Variants in EMX1 observed in about 807,000 individuals in gnomAD.
EMX1 encodes homeobox protein EMX1.
A neutral mutation model predicts 20.1 loss-of-function variants in EMX1; 10 were observed. That is an observed-to-expected ratio of 0.50 (90% CI 0.31 to 0.84). The LOEUF is 0.84. EMX1 is among the 40% of genes least tolerant of loss of function. The probability of loss-of-function intolerance (pLI) is 0.05; values close to 1 mark genes in which losing one functional copy is unlikely to be tolerated. For missense variants in EMX1, 424 were observed against 431.9 expected, an observed-to-expected ratio of 0.98 and a Z score of 0.16; for synonymous variants, 250 against 200.4, an observed-to-expected ratio of 1.25 and a Z score of -2.09.
Position 72,933,899 on chromosome 2 carries a change from G to A in EMX1, c.818G>A (p.Arg273His), listed in dbSNP as rs754890777. 18 of 1,614,254 alleles carry A rather than the reference G, an allele frequency of 1.1e-5. No homozygotes were observed. The highest frequency in any genetic ancestry group is 1.4e-5 in the Non-Finnish European group (17 of 1,180,044). ...KKGSHHINRW[R>H]IATKQANGED... Reference sequence around the variant, plus strand: ...GGCTCCCATCACATCAACCGGTGGCGCATTGCCACGAAGCAGGCCAATGGG... The same window carrying A: ...GGCTCCCATCACATCAACCGGTGGCACATTGCCACGAAGCAGGCCAATGGG... Residue 273 changes from arginine to histidine, a missense_variant, in exon 3 of 3, where the codon CGC becomes CAC. Around this residue, in one of 2 missense-constraint regions of EMX1, gnomAD observed 91 missense variants for 135.2 expected, o/e 0.67. Transcript: ENST00000258106.
chr2:72,923,092 G>A (rs1172901909), intron 1 of EMX1, among the ~76,000 whole-genome samples: 1 of 152,168 alleles, frequency 6.6e-6, no homozygotes, highest in African/African-American at 2.4e-5. Flanking sequence ...CTAGTGGGGT[G>A]TTCATTGAGA....
chr2:72,924,347 C>T lies in EMX1; in HGVS notation c.559C>T (p.Pro187Ser). The T allele has an allele frequency of 2.5e-6, 4 of 1,583,162 alleles. No homozygotes were observed. Among genetic ancestry groups the T allele is most frequent in the South Asian group, 1.1e-5 (1 of 87,382 alleles). ...VPQDGLLLHG[P>S]FARKPKRIRT... ...CCAGGACGGGCTGCTTCTGCACGGC[C>T]CCTTCGCACGCAAGCCCAAGCGGAT... The change falls in exon 2 of 3, where the codon CCC becomes TCC. Residue 187 changes from proline to serine, a missense_variant. Transcript: ENST00000258106.
In EMX1 at chr2:72,917,868, T is replaced by G; in HGVS notation, c.16T>G (p.Cys6Gly). 1 of 1,473,834 alleles carries G rather than the reference T, an allele frequency of 6.8e-7. No individual in the cohort carries two copies. The highest frequency in any genetic ancestry group is 8.9e-7 in the Non-Finnish European group (1 of 1,119,826). 91.3% of individuals were successfully genotyped at this position (1,473,834 alleles called of 1,614,324 possible). A position where few individuals can be genotyped will look rare whatever the true frequency, so the allele number is the denominator to read the frequency against. Residue 6 changes from cysteine (C) to glycine (G), a missense_variant, in exon 1 of 3, where the codon TGC (cysteine) becomes GGC (glycine). This residue lies in a region of EMX1 where 333 missense variants were observed against 296.6 expected (regional missense o/e 1.12). Transcript: ENST00000258106. ...GCGGGTGTGCATGTGCCTGGCTGGG[T>G]GCACACCCCGCAAGGCGGCGGCGCC... MCLAG[C>G]TPRKAAAPGR...
At position 72,924,117 on chromosome 2, in the gene EMX1, G is replaced by A; in HGVS notation, c.521-192G>A. On this transcript the variant is annotated intron_variant, in intron 1 of 2. Transcript: ENST00000258106. ...CTCTCGAGTGCGGGGAGGTGTTGCG[G>A]AGGGGAGTGGACTTAGGGAAGGGGC... 3 of 674,766 alleles carry A rather than the reference G, an allele frequency of 4.4e-6. No homozygotes were observed. In the South Asian group the frequency reaches 5.2e-5, roughly 12 times the overall value. 41.8% of individuals were successfully genotyped at this position (674,766 alleles called of 1,614,324 possible). A position where few individuals can be genotyped will look rare whatever the true frequency, so the allele number is the denominator to read the frequency against.
Position 72,930,889 on chromosome 2 carries a change from T to C in EMX1, c.706-2898T>C, listed in dbSNP as rs974386717. Among the ~76,000 whole-genome samples, 4 of 152,236 alleles carry C rather than the reference T, an allele frequency of 2.6e-5. No homozygotes were observed. The highest frequency in any genetic ancestry group is 4.4e-5 in the Non-Finnish European group (3 of 68,044). On this transcript the variant is annotated intron_variant, in intron 2 of 2. Coordinates refer to ENST00000258106, the MANE Select transcript of EMX1 (RefSeq NM_004097.3). This position sits in a 1 kb window ranked among gnomAD's most constrained non-coding sequence, Gnocchi z 4.4. Reference sequence around the variant, plus strand: ...GAAGAAAGAAACATCACCCACACTTTAGGTATATTTCCTTCTAGTCTTTTT... The same window carrying C: ...GAAGAAAGAAACATCACCCACACTTCAGGTATATTTCCTTCTAGTCTTTTT...
At chr2:72,918,740 C>T (rs1671044771) in intron 1 of EMX1, among the ~76,000 whole-genome samples, 1 of 152,274 alleles carries the variant, frequency 6.6e-6, no homozygotes, top group Admixed American at 6.5e-5. Context: ...CTCCGCCCGG[C>T]TTAACCTCGC....
chr2:72,916,658 C>T (rs939228751), upstream of EMX1: 1 of 712,856 alleles, frequency 1.4e-6, no homozygotes, highest in Non-Finnish European at 2.6e-6. Flanking sequence ...TTCTGCGTGT[C>T]CTGACGGCTG....
chr2:72,925,517 G>A lies in EMX1; in HGVS notation c.705+1024G>A, dbSNP rs150616544. On this transcript the variant is annotated intron_variant, in intron 2 of 2. Coordinates refer to ENST00000258106, the MANE Select transcript of EMX1 (RefSeq NM_004097.3). The stretch of plus-strand genomic sequence containing the variant: ...AGGTGGATTTCAGTCTCTGCGTGCC[G>A]GCCGGCTCCCAGAGTTGCGAGAGGC... 705 of 1,288,700 alleles carry A rather than the reference G, an allele frequency of 5.5e-4. 5 individuals are homozygous for A. In the African/African-American group the frequency reaches 8.3e-3, roughly 15 times the overall value. The allele number at this position is 1,288,700 out of a possible 1,614,324, so 79.8% of individuals were successfully genotyped here. A position where few individuals can be genotyped will look rare whatever the true frequency, so the allele number is the denominator to read the frequency against.
Position 72,924,439 on chromosome 2 carries a change from G to A in EMX1, c.651G>A (p.Val217=), listed in dbSNP as rs766509735. The change falls in exon 2 of 3, where the codon GTG becomes GTA. Residue 217 remains valine, a synonymous_variant. Coordinates refer to ENST00000258106, the MANE Select transcript of EMX1 (RefSeq NM_004097.3). ...GCGCCTTCGAGAAGAACCACTACGTGGTGGGCGCCGAGCGGAAGCAGCTGG... is the reference window on the plus strand; with the variant it reads ...GCGCCTTCGAGAAGAACCACTACGTAGTGGGCGCCGAGCGGAAGCAGCTGG... ...LERAFEKNHY[V]VGAERKQLAG... is the part of the protein sequence containing the mutation. 1 of 1,597,562 alleles carries A rather than the reference G, an allele frequency of 6.3e-7. No homozygotes were observed. Among genetic ancestry groups the A allele is most frequent in the Non-Finnish European group, 8.5e-7 (1 of 1,176,538 alleles).
chr2:72,925,333 G>C, intron 2 of EMX1: 1 of 1,121,398 alleles, frequency 8.9e-7, no homozygotes, highest in Non-Finnish European at 1.1e-6. Context: ...AAAAATTAAA[G>C]AATTAGATGA....
chr2:72,929,739 G>C (rs539374214), intron 2 of EMX1, among the ~76,000 whole-genome samples: 69 of 152,348 alleles, frequency 4.5e-4, no homozygotes, highest in Non-Finnish European at 8.4e-4. Context: ...AGTCTGATTA[G>C]TTCTGAAATA....
chr2:72,922,922 C>G (rs1485618315), intron 1 of EMX1, among the ~76,000 whole-genome samples: 2 of 152,196 alleles, frequency 1.3e-5, no homozygotes, highest in Non-Finnish European at 2.9e-5. Context: ...TCAGTCAATC[C>G]CAACAGCTAA....
chr2:72,917,994 T>C lies in EMX1; in HGVS notation c.142T>C (p.Leu48=). 6.8e-7 allele frequency: 1 copy of C among 1,468,136 alleles called. No individual in the cohort carries two copies. The highest frequency in any genetic ancestry group is 1.3e-5 in the South Asian group (1 of 76,800). 90.9% of individuals were successfully genotyped at this position (1,468,136 alleles called of 1,614,324 possible). A position where few individuals can be genotyped will look rare whatever the true frequency, so the allele number is the denominator to read the frequency against. ...CAAGCGCGGCTTTACCATAGAGTCC[T>C]TGGTGGCCAAGGACGGCGGCACCGG... The part of the protein sequence containing the change: ...AAKRGFTIES[L]VAKDGGTGGG... Residue 48 remains leucine (L), a synonymous_variant, in exon 1 of 3, where the codon TTG becomes CTG. Coordinates refer to ENST00000258106, the MANE Select transcript of EMX1 (RefSeq NM_004097.3).
chr2:72,933,650 C>T (rs1671318937), intron 2 of EMX1, 137 bp from the exon 3 acceptor site: 1 of 1,124,514 alleles, frequency 8.9e-7, no homozygotes, highest in Non-Finnish European at 1.2e-6. Context: ...CAGAGGGGAC[C>T]CCGGCCTGGG....
In EMX1 at chr2:72,933,862, CAGA is replaced by C. The variant is rs764043806; in HGVS notation, c.790_792del (p.Lys264del). The C allele has an allele frequency of 2.6e-5, 42 of 1,614,108 alleles. No individual in the cohort carries two copies. Among genetic ancestry groups the C allele is most frequent in the African/African-American group, 4.0e-5 (3 of 74,954 alleles). Reference sequence around the variant, plus strand: ...GGAGGAGGAAGGGCCTGAGTCCGAGCAGAAGAAGAAGGGCTCCCATCACATCAA... The same window carrying C: ...GGAGGAGGAAGGGCCTGAGTCCGAGCAGAAGAAGGGCTCCCATCACATCAA... On this transcript the variant is annotated inframe_deletion, in exon 3 of 3. Coordinates refer to ENST00000258106, the MANE Select transcript of EMX1 (RefSeq NM_004097.3).
chr2:72,920,379 G>C (rs926928940), intron 1 of EMX1, among the ~76,000 whole-genome samples: 21 of 152,250 alleles, frequency 1.4e-4, no homozygotes, highest in African/African-American at 4.6e-4. Flanking sequence ...ATGGAGCCAA[G>C]TGTGGCTGCA....
chr2:72,931,785 C>T (rs1047492253), intron 2 of EMX1, among the ~76,000 whole-genome samples: 1 of 152,254 alleles, frequency 6.6e-6, no homozygotes, highest in African/African-American at 2.4e-5. Flanking sequence ...GCCAGCTTTC[C>T]AGCCCCTGGC....
rs1671327207 is a variant in EMX1 at position 72,934,054 on chromosome 2, T to C, written c.*100T>C. 6 of 1,504,068 alleles carry C rather than the reference T, an allele frequency of 4.0e-6. No homozygotes were observed. Among genetic ancestry groups the C allele is most frequent in the Non-Finnish European group, 5.4e-6 (6 of 1,113,900 alleles). The allele number at this position is 1,504,068 out of a possible 1,614,324, so 93.2% of individuals were successfully genotyped here. Reference sequence around the variant, plus strand: ...ACTCTGGCCACTCCCTGGCCAGGCTTTGGGGAGGCCTGGAGTCATGGCCCC... The same window carrying C: ...ACTCTGGCCACTCCCTGGCCAGGCTCTGGGGAGGCCTGGAGTCATGGCCCC... On this transcript the variant is annotated 3_prime_UTR_variant, in exon 3 of 3. Transcript: ENST00000258106.
At chr2:72,929,318 C>T (rs191699646) in intron 2 of EMX1, among the ~76,000 whole-genome samples, 110 of 152,114 alleles carry the variant, frequency 7.2e-4, no homozygotes, top group Admixed American at 3.1e-3. Context: ...ATGATGTCTC[C>T]CTGAGAGAGA....
Sources: allele counts gnomAD v4.1 joint callset (sites outside exome capture counted in the v4.1 genomes callset), GRCh38; gene constraint gnomAD v4.1.1; regional missense constraint gnomAD v4.1.1; non-coding constraint Gnocchi (gnomAD v3.1); transcripts MANE v1.5; gene names NCBI Gene and HGNC (gene_info 2026-07-23, HGNC 2026-07-21).